The following INPP4B variants were observed in gnomAD, a reference collection of about 807,000 sequenced individuals.
INPP4B encodes the protein inositol polyphosphate-4-phosphatase type II B, also known as inositol polyphosphate 4-phosphatase type II.
In INPP4B, 55 loss-of-function variants were observed where a neutral mutation model predicts 122.5. That is an observed-to-expected ratio of 0.45 (90% CI 0.36 to 0.56). The LOEUF is 0.56. INPP4B is among the 20% of genes least tolerant of loss of function. INPP4B has a pLI of 0.00. For synonymous variants in INPP4B, 403 were observed against 388.7 expected, an observed-to-expected ratio of 1.04 and a Z score of -0.43; for missense variants, 1,000 against 1,097.7, an observed-to-expected ratio of 0.91 and a Z score of 1.26.
intron 13 of INPP4B, 30 bp downstream of exon 13, chr4:142,208,866 T>A (rs557731696): frequency 1.4e-6 from 2 of 1,454,354 alleles, no homozygotes; most frequent in South Asian, 3.2e-5. Context: ...TGCAATTCAC[T>A]TTGAGTAAGT....
At chr4:142,688,777 C>T (rs1759735264) in intron 2 of INPP4B, among the ~76,000 whole-genome samples, 1 of 152,210 alleles carries the variant, frequency 6.6e-6, no homozygotes, top group Non-Finnish European at 1.5e-5. Flanking sequence ...AGGACTCATG[C>T]AGCTGGAGGC....
intron 2 of INPP4B, among the ~76,000 whole-genome samples, chr4:142,670,544 G>A (rs1756847135): frequency 6.6e-6 from 1 of 151,888 alleles, no homozygotes; most frequent in South Asian, 2.1e-4. Flanking sequence ...AATAAGTCAG[G>A]CACAAAAAAA....
chr4:142,734,910 G>A (rs1334513114), intron 1 of INPP4B, among the ~76,000 whole-genome samples: 2 of 152,114 alleles, frequency 1.3e-5, no homozygotes, highest in African/African-American at 4.8e-5. Context: ...CTCCCAAAGT[G>A]CTTGGATTAC....
chr4:142,314,777 A>C lies in INPP4B; in HGVS notation c.373-15T>G. On this transcript the variant is annotated splice_polypyrimidine_tract_variant and intron_variant, in intron 7 of 25. Transcript: ENST00000262992. ...CTGGTTCGAACCTGTGGAGAAAAAC[A>C]TTTTCTGTAAGACTTTGGAGTAGAA... 6.3e-7 allele frequency: 1 copy of C among 1,591,164 alleles called. No homozygotes were observed. Among genetic ancestry groups the C allele is most frequent in the Non-Finnish European group, 8.5e-7 (1 of 1,171,558 alleles).
intron 2 of INPP4B, among the ~76,000 whole-genome samples, chr4:142,552,248 G>C (rs1164560801): frequency 1.3e-5 from 2 of 152,154 alleles, no homozygotes; most frequent in African/African-American, 2.4e-5. Context: ...GAATCAACTA[G>C]AATTCTTGCT....
chr4:142,769,486 C>T (rs1321898934), intron 1 of INPP4B, among the ~76,000 whole-genome samples: 1 of 152,128 alleles, frequency 6.6e-6, no homozygotes, highest in East Asian at 1.9e-4. Context: ...ACTATATTAT[C>T]GTTAGAGTAG....
chr4:142,030,660 T>C (rs886181932), intron 25 of INPP4B, among the ~76,000 whole-genome samples: 1 of 152,138 alleles, frequency 6.6e-6, no homozygotes, highest in African/African-American at 2.4e-5. Context: ...GATTAGCTCA[T>C]GAAAATAATC....
chr4:142,547,407 A>G (rs1025555195), intron 2 of INPP4B, among the ~76,000 whole-genome samples: 2 of 152,054 alleles, frequency 1.3e-5, no homozygotes, highest in African/African-American at 2.4e-5. Flanking sequence ...TGACCCCTCA[A>G]GTCTTGAAAT....
intron 25 of INPP4B, among the ~76,000 whole-genome samples, chr4:142,033,943 A>G (rs1742127834): frequency 6.6e-6 from 1 of 152,144 alleles, no homozygotes; most frequent in Non-Finnish European, 1.5e-5. Flanking sequence ...CTGGGATTAC[A>G]GGCATGAGCC....
intron 1 of INPP4B, among the ~76,000 whole-genome samples, chr4:142,809,106 T>G (rs973815641): frequency 6.6e-6 from 1 of 152,086 alleles, no homozygotes; most frequent in Non-Finnish European, 1.5e-5. Context: ...ATCAAGCACA[T>G]GGTGAATAAA....
intron 23 of INPP4B, among the ~76,000 whole-genome samples, chr4:142,102,592 C>G (rs1263885528): frequency 6.6e-6 from 1 of 150,708 alleles, no homozygotes; most frequent in East Asian, 2.0e-4. Flanking sequence ...TCTTTCAAAA[C>G]CTTTGTATCA....
intron 14 of INPP4B, among the ~76,000 whole-genome samples, chr4:142,199,177 T>C (rs113776594): frequency 0.017 from 2,517 of 152,184 alleles, 69 homozygotes; most frequent in African/African-American, 0.058. Flanking sequence ...ATTGTAATGT[T>C]GTAGGTGTTC....
chr4:142,746,270 C>T (rs1157536312), intron 1 of INPP4B, among the ~76,000 whole-genome samples: 1 of 151,988 alleles, frequency 6.6e-6, no homozygotes, highest in East Asian at 1.9e-4. Context: ...CTCCCATTCA[C>T]AATTGCTACA....
chr4:142,665,745 C>A (rs1183397349), intron 2 of INPP4B, among the ~76,000 whole-genome samples: 1 of 151,844 alleles, frequency 6.6e-6, no homozygotes, highest in Non-Finnish European at 1.5e-5. Flanking sequence ...TAAAAAAGCA[C>A]CAAAAATAAC....
At chr4:142,755,839 G>A (rs1192900931) in intron 1 of INPP4B, among the ~76,000 whole-genome samples, 1 of 151,878 alleles carries the variant, frequency 6.6e-6, no homozygotes, top group Non-Finnish European at 1.5e-5. Context: ...AATAGAAAAC[G>A]TTTTTGAGCT....
intron 2 of INPP4B, among the ~76,000 whole-genome samples, chr4:142,685,463 GT>G (rs1283787683): frequency 1.9e-4 from 29 of 152,074 alleles, no homozygotes; most frequent in African/African-American, 7.0e-4. Flanking sequence ...TCACAGTATA[GT>G]TTTTTGATAT....
chr4:142,475,280 T>C (rs199747211), intron 2 of INPP4B, among the ~76,000 whole-genome samples: 3 of 151,872 alleles, frequency 2.0e-5, no homozygotes, highest in African/African-American at 4.8e-5. Flanking sequence ...TAAAAGCAAA[T>C]AAACAAAAAA....
At chr4:142,297,877 A>C (rs1422359308) in intron 9 of INPP4B, among the ~76,000 whole-genome samples, 1 of 152,208 alleles carries the variant, frequency 6.6e-6, no homozygotes, top group African/African-American at 2.4e-5. Context: ...ATAAAGGGAA[A>C]CGATATTTAT....
intron 1 of INPP4B, among the ~76,000 whole-genome samples, chr4:142,831,010 A>T (rs1782065834): frequency 6.6e-6 from 1 of 151,860 alleles, no homozygotes. Flanking sequence ...TGACAGAGTG[A>T]GACCCTGTCT....
Sources: gnomAD v4.1 joint callset for allele counts (sites outside exome capture counted in the v4.1 genomes callset) on GRCh38, gnomAD v4.1.1 for gene constraint, MANE v1.5 for transcripts, NCBI Gene and HGNC (gene_info 2026-07-23, HGNC 2026-07-21) for gene names.